The following PRKAB1 variants were observed in gnomAD, a reference collection of about 807,000 sequenced individuals.
The protein encoded by PRKAB1 is 5'-AMP-activated protein kinase subunit beta-1.
A neutral mutation model predicts 32.0 loss-of-function variants in PRKAB1; 18 were observed. The observed-to-expected ratio is 0.56, with a 90% CI of 0.39 to 0.83. The LOEUF (loss-of-function observed/expected upper bound fraction) is 0.83. Ranked by LOEUF, PRKAB1 falls within the 40% of genes least tolerant of loss-of-function variation. PRKAB1 has a pLI of 0.00. For synonymous variants in PRKAB1, 141 were observed against 141.4 expected (o/e 1.00, Z 0.02); for missense variants, 263 against 352.6 (o/e 0.75, Z 2.03).
intron 1 of PRKAB1, among the ~76,000 whole-genome samples, 168 bp downstream of exon 1, chr12:119,668,571 G>T (rs6490267): frequency 0.33 from 49,939 of 152,138 alleles, 8,704 homozygotes; most frequent in African/African-American, 0.4. Flanking sequence ...TCTCTTAGCG[G>T]TCCAAGAACC....
intron 2 of PRKAB1, 96 bp from the exon 3 acceptor site, chr12:119,673,868 T>G: frequency 9.9e-7 from 1 of 1,012,806 alleles, no homozygotes; most frequent in Non-Finnish European, 1.5e-6. Context: ...AACTCTTGGT[T>G]TTATGTGGAA....
At chr12:119,671,253 T>C (rs762431079) in intron 1 of PRKAB1, among the ~76,000 whole-genome samples, 3 of 152,358 alleles carry the variant, frequency 2.0e-5, no homozygotes, top group Non-Finnish European at 4.4e-5. Context: ...TAAATTTTCA[T>C]GTACAGTCAT....
Position 119,680,237 on chromosome 12 carries a change from T to G in PRKAB1, c.736-11T>G. On this transcript the variant is annotated splice_polypyrimidine_tract_variant and intron_variant, in intron 6 of 6. Coordinates refer to ENST00000229328, the MANE Select transcript of PRKAB1 (RefSeq NM_006253.5). ...AGTCCAGCCTTTGATCATTTCCACC[T>G]TGTTCCTTAGGATGGAGTGATGGTG... The G allele has an allele frequency of 6.2e-7, 1 of 1,613,034 alleles. No homozygotes were observed. The highest frequency in any genetic ancestry group is 8.5e-7 in the Non-Finnish European group (1 of 1,179,056).
rs929008585 is a variant in PRKAB1 at position 119,680,944 on chromosome 12, CTT to C, written c.*623_*624del. The C allele has an allele frequency of 2.0e-5, 3 of 152,462 alleles. No homozygotes were observed. Among genetic ancestry groups the C allele is most frequent in the African/African-American group, 2.4e-5 (1 of 41,440 alleles). 9.4% of individuals were successfully genotyped at this position (152,462 alleles called of 1,614,324 possible). Reference sequence around the variant, plus strand: ...CTTACAGTCATGTGCACTAAGTACTCTTTTTGTAAGCAGAGGTGGCTGGCTCT... The same window carrying C: ...CTTACAGTCATGTGCACTAAGTACTCTTTGTAAGCAGAGGTGGCTGGCTCT... On this transcript the variant is annotated 3_prime_UTR_variant, in exon 7 of 7. Coordinates refer to ENST00000229328, the MANE Select transcript of PRKAB1 (RefSeq NM_006253.5).
intron 1 of PRKAB1, among the ~76,000 whole-genome samples, chr12:119,668,959 T>C (rs1320665581): frequency 6.6e-6 from 1 of 151,896 alleles, no homozygotes; most frequent in East Asian, 2.0e-4. Flanking sequence ...AAGACGGTGG[T>C]CTCACTAATT....
At chr12:119,672,492 T>G (rs757183318) in intron 2 of PRKAB1, 28 bp downstream of exon 2, 2 of 1,481,748 alleles carry the variant, frequency 1.3e-6, no homozygotes, top group South Asian at 1.4e-5. Flanking sequence ...GTTCACATAT[T>G]TGTCTTAACA....
Position 119,668,232 on chromosome 12 carries a change from G to T in PRKAB1, c.-13G>T. 6.4e-7 allele frequency: 1 copy of T among 1,567,532 alleles called. No individual in the cohort carries two copies. ...CGCCGTCCGCCTTCCCTGTGTCCCC[G>T]CAGACCCCCATCATGGGCAATACCA... On this transcript the variant is annotated 5_prime_UTR_variant, in exon 1 of 7. Transcript: ENST00000229328.
chr12:119,679,485 T>G lies in PRKAB1; in HGVS notation c.667-448T>G. ...CAGCCCGGTGGCAGATTTTCCAGAG[T>G]AGTGGTGTCTTGCCCAGGTATCCGT... is the stretch of plus-strand genomic sequence containing the variant. On this transcript the variant is annotated intron_variant, in intron 5 of 6. Transcript: ENST00000229328. This position sits in a 1 kb window ranked among gnomAD's most constrained non-coding sequence, Gnocchi z 4.1. The G allele has an allele frequency of 5.6e-6, 1 of 178,456 alleles. No homozygotes were observed. The highest frequency in any genetic ancestry group is 2.4e-5 in the African/African-American group (1 of 41,978). The allele number at this position is 178,456 out of a possible 1,614,324, so 11.1% of individuals were successfully genotyped here.
At chr12:119,670,566 T>A (rs1955379894) in intron 1 of PRKAB1, among the ~76,000 whole-genome samples, 1 of 152,228 alleles carries the variant, frequency 6.6e-6, no homozygotes, top group Non-Finnish European at 1.5e-5. Flanking sequence ...TGGTCCCTGG[T>A]CCCAAGAAGG....
intron 1 of PRKAB1, chr12:119,671,577 C>A: frequency 2.9e-6 from 1 of 343,050 alleles, no homozygotes; most frequent in Non-Finnish European, 6.0e-6. Context: ...CACTCACTGT[C>A]AGAGAACAGC....
chr12:119,680,153 A>C (rs920337383), intron 6 of PRKAB1, 95 bp from the exon 7 acceptor site: 1 of 1,498,144 alleles, frequency 6.7e-7, no homozygotes, highest in Non-Finnish European at 9.2e-7. Context: ...CTGGCCCGGG[A>C]ATTTGTGGTT....
intron 1 of PRKAB1, among the ~76,000 whole-genome samples, chr12:119,670,385 T>C (rs1462856273): frequency 2.0e-5 from 3 of 152,220 alleles, no homozygotes; most frequent in African/African-American, 4.8e-5. Context: ...CACCTTCTTT[T>C]GGATCTTAGT....
chr12:119,676,042 CA>C (rs1267758116), intron 4 of PRKAB1, among the ~76,000 whole-genome samples: 2 of 152,194 alleles, frequency 1.3e-5, no homozygotes, highest in Non-Finnish European at 2.9e-5. Flanking sequence ...TTTTCCCCCC[CA>C]TTTTGAAATG....
chr12:119,678,820 G>A (rs927902600), intron 5 of PRKAB1: 1 of 152,178 alleles, frequency 6.6e-6, no homozygotes, highest in Non-Finnish European at 1.5e-5. Context: ...AGTGAACGTG[G>A]GAGTACAGAT....
At chr12:119,673,915 G>A (rs748078282) in intron 2 of PRKAB1, 49 bp from the exon 3 acceptor site, 19 of 1,518,416 alleles carry the variant, frequency 1.3e-5, no homozygotes, top group Middle Eastern at 1.7e-4. Context: ...AAGTAAGCTC[G>A]GGGGGCAGCC....
In PRKAB1 at chr12:119,672,213, A is replaced by G. The variant is rs1478534991; in HGVS notation, c.160-88A>G. ...GATCCTAACCATGAACCAAGATAGTAACAGCTGCGTCTTTAGAATGAATTG... is the reference window on the plus strand; with the variant it reads ...GATCCTAACCATGAACCAAGATAGTGACAGCTGCGTCTTTAGAATGAATTG... On this transcript the variant is annotated intron_variant, in intron 1 of 6. Coordinates refer to ENST00000229328, the MANE Select transcript of PRKAB1 (RefSeq NM_006253.5). The G allele has an allele frequency of 1.8e-5, 24 of 1,318,490 alleles. No individual in the cohort carries two copies. The Admixed American group carries it at 6.3e-4, about 34-fold the overall frequency. The allele number at this position is 1,318,490 out of a possible 1,614,324, so 81.7% of individuals were successfully genotyped here.
chr12:119,673,621 A>G (rs1340875944), intron 2 of PRKAB1, among the ~76,000 whole-genome samples: 1 of 152,210 alleles, frequency 6.6e-6, no homozygotes, highest in Non-Finnish European at 1.5e-5. Flanking sequence ...AAAACGAGGC[A>G]GCTTCTGTTT....
At chr12:119,668,842 A>C (rs573363867) in intron 1 of PRKAB1, among the ~76,000 whole-genome samples, 1 of 152,368 alleles carries the variant, frequency 6.6e-6, no homozygotes, top group South Asian at 2.1e-4. Context: ...TTTTGGAGGC[A>C]AACCAGGTAC....
At position 119,676,519 on chromosome 12, in the gene PRKAB1, G is replaced by A. The variant is rs748513693; in HGVS notation, c.533-18G>A. The stretch of plus-strand genomic sequence containing the variant: ...TGCCTGATTTTCAAAGTAAAGTCCT[G>A]TTACCATCTCCCAACAGAGCTGTCC... On this transcript the variant is annotated intron_variant, in intron 4 of 6. Coordinates refer to ENST00000229328, the MANE Select transcript of PRKAB1 (RefSeq NM_006253.5). The A allele has an allele frequency of 6.3e-7, 1 of 1,591,762 alleles. No individual in the cohort carries two copies. Among genetic ancestry groups the A allele is most frequent in the African/African-American group, 1.3e-5 (1 of 74,368 alleles).
Sources: allele counts gnomAD v4.1 joint callset (sites outside exome capture counted in the v4.1 genomes callset), GRCh38; gene constraint gnomAD v4.1.1; non-coding constraint Gnocchi (gnomAD v3.1); transcripts MANE v1.5; gene names NCBI Gene and HGNC (gene_info 2026-07-23, HGNC 2026-07-21).